Variants in CREB3L2 observed in about 807,000 individuals in gnomAD.
CREB3L2 encodes cyclic AMP-responsive element-binding protein 3-like protein 2.
In CREB3L2, 23 loss-of-function variants were observed where a neutral mutation model predicts 57.2. That is an observed-to-expected ratio of 0.40 (90% CI 0.29 to 0.57). CREB3L2 has a LOEUF of 0.57. CREB3L2 is among the 20% of genes least tolerant of loss of function. The pLI, the probability that CREB3L2 is intolerant of heterozygous loss-of-function variation, is 0.42. For missense variants in CREB3L2, 628 were observed against 634.7 expected (o/e 0.99, Z 0.11); for synonymous variants, 268 against 265.1 (o/e 1.01, Z -0.11).
chr7:137,925,949 C>T (rs1800445145), intron 2 of CREB3L2, among the ~76,000 whole-genome samples: 1 of 152,206 alleles, frequency 6.6e-6, no homozygotes, highest in African/African-American at 2.4e-5. Flanking sequence ...ACCAGCACGG[C>T]CTGTCACAGC....
chr7:137,963,290 C>T (rs1003181000), intron 1 of CREB3L2, among the ~76,000 whole-genome samples: 4 of 152,230 alleles, frequency 2.6e-5, no homozygotes, highest in African/African-American at 7.2e-5. Flanking sequence ...ACTTAGTCAG[C>T]ACTGCTTTCT....
chr7:137,960,767 ATCT>A (rs1389459763), intron 1 of CREB3L2, among the ~76,000 whole-genome samples: 1 of 149,464 alleles, frequency 6.7e-6, no homozygotes, highest in Non-Finnish European at 1.5e-5. Flanking sequence ...AATAAACATA[ATCT>A]TATTTACCAA....
At chr7:137,934,547 G>A (rs1197404046) in intron 1 of CREB3L2, among the ~76,000 whole-genome samples, 1 of 152,188 alleles carries the variant, frequency 6.6e-6, no homozygotes, top group Non-Finnish European at 1.5e-5. Flanking sequence ...CCCATGTTCA[G>A]CCAGTTCCAA....
intron 1 of CREB3L2, among the ~76,000 whole-genome samples, chr7:137,938,463 A>T (rs987472687): frequency 6.6e-6 from 1 of 151,978 alleles, no homozygotes; most frequent in Non-Finnish European, 1.5e-5. Context: ...CTCTTGCCTC[A>T]GTCTCCTGAG....
chr7:137,923,357 T>C (rs577091333), intron 2 of CREB3L2, among the ~76,000 whole-genome samples: 1 of 152,174 alleles, frequency 6.6e-6, no homozygotes, highest in Non-Finnish European at 1.5e-5. Context: ...AGCGGAGGAA[T>C]AGCAAAATAG....
intron 8 of CREB3L2, among the ~76,000 whole-genome samples, chr7:137,897,438 C>T (rs1286317960): frequency 1.3e-5 from 2 of 152,144 alleles, no homozygotes; most frequent in Admixed American, 6.5e-5. Context: ...GGCACAATCT[C>T]GGCTCACTGC....
chr7:137,949,868 T>C (rs1801064954), intron 1 of CREB3L2, among the ~76,000 whole-genome samples: 1 of 152,192 alleles, frequency 6.6e-6, no homozygotes, highest in Non-Finnish European at 1.5e-5. Context: ...GCCGAGTTGC[T>C]GGGAAACAAA....
At chr7:137,892,551 G>A (rs146086005) in intron 8 of CREB3L2, among the ~76,000 whole-genome samples, 12 of 152,222 alleles carry the variant, frequency 7.9e-5, no homozygotes, top group African/African-American at 2.9e-4. Flanking sequence ...CTAGGAGTCT[G>A]AGGAACAAGA....
chr7:137,929,520 C>A (rs183940066), intron 1 of CREB3L2, among the ~76,000 whole-genome samples: 350 of 152,044 alleles, frequency 2.3e-3, no homozygotes, highest in African/African-American at 8.2e-3. Flanking sequence ...GAAAAAGTCA[C>A]CCCTGGTTTA....
Position 138,001,728 on chromosome 7 carries a change from C to G in CREB3L2, c.-23G>C, listed in dbSNP as rs1268863246. The G allele has an allele frequency of 4.4e-6, 7 of 1,577,168 alleles. No individual in the cohort carries two copies. Among genetic ancestry groups the G allele is most frequent in the African/African-American group, 1.3e-5 (1 of 74,278 alleles). Reference sequence around the variant, plus strand: ...CATGGCGGTGCGGGCCGCGCTGGGCCGAGGATGCTAAGCGCAGGAGGGGAC... The same window carrying G: ...CATGGCGGTGCGGGCCGCGCTGGGCGGAGGATGCTAAGCGCAGGAGGGGAC... On this transcript the variant is annotated 5_prime_UTR_variant, in exon 1 of 12. Coordinates refer to ENST00000330387, the MANE Select transcript of CREB3L2 (RefSeq NM_194071.4). The surrounding 1 kb of genome is among the most constrained non-coding windows in gnomAD (Gnocchi z 4.2).
At chr7:137,934,443 G>A (rs1800734984) in intron 1 of CREB3L2, among the ~76,000 whole-genome samples, 2 of 152,188 alleles carry the variant, frequency 1.3e-5, no homozygotes, top group Admixed American at 6.5e-5. Context: ...ATGAAAACAT[G>A]TCCCCATTTA....
intron 1 of CREB3L2, among the ~76,000 whole-genome samples, chr7:137,959,798 G>A (rs1264562036): frequency 3.3e-5 from 5 of 152,164 alleles, no homozygotes; most frequent in Non-Finnish European, 7.3e-5. Context: ...TTTGCCATCC[G>A]GCGAGGAAAG....
At chr7:137,958,667 TCCAGTGAGTTAAGGGCAGGCCCTTTCTC>T (rs1308231668) in intron 1 of CREB3L2, among the ~76,000 whole-genome samples, 7 of 152,368 alleles carry the variant, frequency 4.6e-5, no homozygotes, top group African/African-American at 1.7e-4. Flanking sequence ...TTTTAAGAAA[TCCAGTGAGTTAAGGGCAGGCCCTTTCTC>T]CCATGTCTCA....
At chr7:137,922,415 T>TATATATACAC (rs1491237233) in intron 2 of CREB3L2, among the ~76,000 whole-genome samples, 1 of 23,156 alleles carries the variant, frequency 4.3e-5, no homozygotes, top group African/African-American at 1.4e-4. Context: ...TATATATATA[T>TATATATACAC]GTATATATAT....
rs536479270 is a variant in CREB3L2, at chr7:137,990,176, C to T, written c.102+11428G>A. 1.1e-4 allele frequency among the ~76,000 whole-genome samples: 17 copies of T among 152,298 alleles called. No individual in the cohort carries two copies. In the South Asian group the frequency reaches 3.5e-3, roughly 32 times the overall value. On this transcript the variant is annotated intron_variant, in intron 1 of 11. Coordinates refer to ENST00000330387, the MANE Select transcript of CREB3L2 (RefSeq NM_194071.4). The stretch of plus-strand genomic sequence containing the variant: ...ATCTCCCAAGACTCCCCATAGAGCA[C>T]CCTACTCTCAAACTACATAAAATGA...
intron 1 of CREB3L2, among the ~76,000 whole-genome samples, chr7:137,931,374 T>C (rs1288136303): frequency 1.3e-5 from 2 of 151,414 alleles, no homozygotes; most frequent in African/African-American, 2.4e-5. Context: ...TACAAAAAAT[T>C]AGCCAGGCAT....
At chr7:137,922,414 A>ATACG (rs1390842889) in intron 2 of CREB3L2, among the ~76,000 whole-genome samples, 2 of 29,934 alleles carry the variant, frequency 6.7e-5, no homozygotes, top group African/African-American at 1.9e-4. Context: ...ATATATATAT[A>ATACG]TGTATATATA....
At position 137,883,931 on chromosome 7, in the gene CREB3L2, T is replaced by C. The variant is rs983490186; in HGVS notation, c.1270+1064A>G. 4.6e-5 allele frequency among the ~76,000 whole-genome samples: 7 copies of C among 152,262 alleles called. No homozygotes were observed. In the East Asian group the frequency reaches 9.6e-4, roughly 21 times the overall value. ...CCTTTATTTCTAGGTGAGAACACCA[T>C]ACGCTTCTTATCTGACACCGGAGTC... is the stretch of plus-strand genomic sequence containing the variant. On this transcript the variant is annotated intron_variant, in intron 10 of 11. Coordinates refer to ENST00000330387, the MANE Select transcript of CREB3L2 (RefSeq NM_194071.4).
intron 1 of CREB3L2, among the ~76,000 whole-genome samples, chr7:137,990,027 A>G (rs1046559346): frequency 6.6e-5 from 10 of 152,180 alleles, no homozygotes; most frequent in Non-Finnish European, 1.0e-4. Flanking sequence ...CGTCCAGTCC[A>G]TCCTTTCTAA....
Sources: gnomAD v4.1 joint callset for allele counts (sites outside exome capture counted in the v4.1 genomes callset) on GRCh38, gnomAD v4.1.1 for gene constraint, Gnocchi (gnomAD v3.1) non-coding constraint, MANE v1.5 for transcripts, NCBI Gene and HGNC (gene_info 2026-07-23, HGNC 2026-07-21) for gene names.